The following VWF variants were observed in gnomAD, a reference collection of about 807,000 sequenced individuals.
The protein encoded by VWF is Factor VIII related antigen.
VWF carries 176 observed loss-of-function variants against 308.6 expected under a neutral mutation model. The ratio of observed to expected loss-of-function variants is 0.57; its 90% CI spans 0.50 to 0.65. The LOEUF (loss-of-function observed/expected upper bound fraction) is 0.65. Among genes scored for constraint, VWF ranks in the 30% least tolerant of loss-of-function variants. The pLI is 0.00. For synonymous variants in VWF, 1,385 were observed against 1,443.4 expected, an observed-to-expected ratio of 0.96 and a Z score of 0.92; for missense variants, 3,146 against 3,648.2, an observed-to-expected ratio of 0.86 and a Z score of 3.55.
chr12:5,999,823 A>G (rs1943851081), intron 34 of VWF, among the ~76,000 whole-genome samples: 1 of 152,204 alleles, frequency 6.6e-6, no homozygotes. Context: ...CAAAGACAAG[A>G]ATAAATAAAA....
intron 47 of VWF, among the ~76,000 whole-genome samples, chr12:5,960,124 CTAGATTAA>C (rs1565809564): frequency 6.7e-6 from 1 of 148,796 alleles, no homozygotes; most frequent in South Asian, 2.1e-4. Context: ...AAATCTCTAG[CTAGATTAA>C]TCAAGAAAAT....
intron 44 of VWF, among the ~76,000 whole-genome samples, chr12:5,969,645 C>T (rs1943447405): frequency 1.3e-5 from 2 of 152,364 alleles, no homozygotes; most frequent in South Asian, 4.1e-4. Context: ...AGGGGACTCA[C>T]CCTCCCTTCC....
Position 6,009,870 on chromosome 12 carries a change from C to A in VWF, c.5842+1747G>T, listed in dbSNP as rs1197137275. 5.3e-5 allele frequency among the ~76,000 whole-genome samples: 8 copies of A among 152,148 alleles called. No homozygotes were observed. The East Asian group carries it at 1.5e-3, about 29-fold the overall frequency. Reference sequence around the variant, plus strand: ...AGGATGTTAAGCTAAGTGAAATGAGCCAGTCACAGAAGGATAACTACTGCA... The same window carrying A: ...AGGATGTTAAGCTAAGTGAAATGAGACAGTCACAGAAGGATAACTACTGCA... On this transcript the variant is annotated intron_variant, in intron 34 of 51. Transcript: ENST00000261405.
intron 35 of VWF, 132 bp from the exon 36 acceptor site, chr12:5,994,739 C>T (rs71579336): frequency 1.1e-4 from 89 of 796,172 alleles, no homozygotes; most frequent in Non-Finnish European, 3.7e-5. Context: ...TGATATTTGT[C>T]GGCAGCTCTT....
chr12:6,008,001 C>T (rs1943949008), intron 34 of VWF, among the ~76,000 whole-genome samples: 1 of 152,070 alleles, frequency 6.6e-6, no homozygotes, highest in Non-Finnish European at 1.5e-5. Flanking sequence ...GATGAATAAA[C>T]AGAAAATCTG....
At chr12:5,977,934 G>C (rs1943550608) in intron 42 of VWF, among the ~76,000 whole-genome samples, 1 of 148,256 alleles carries the variant, frequency 6.7e-6, no homozygotes, top group South Asian at 2.1e-4. Context: ...GGTGGAGGAA[G>C]GAATAAGGTA....
At position 6,019,749 on chromosome 12, in the gene VWF, G is replaced by A. The variant is rs1472229472; in HGVS notation, c.3675-6C>T. On this transcript the variant is annotated splice_region_variant and splice_polypyrimidine_tract_variant and intron_variant, in intron 27 of 51. Coordinates refer to ENST00000261405, the MANE Select transcript of VWF (RefSeq NM_000552.5). The surrounding 1 kb of genome is among the most constrained non-coding windows in gnomAD (Gnocchi z 5.8). ...GGTTGACAACATCACAGTGGCTGCA[G>A]AAAAGAGCGAAGAAATTAAAATGGT... 26 of 1,608,426 alleles carry A rather than the reference G, an allele frequency of 1.6e-5. No individual in the cohort carries two copies. The highest frequency in any genetic ancestry group is 2.2e-5 in the Non-Finnish European group (26 of 1,177,638).
At chr12:5,990,372 T>C (rs216890) in intron 38 of VWF, among the ~76,000 whole-genome samples, 79,750 of 152,040 alleles carry the variant, frequency 0.52, 21,235 homozygotes, top group East Asian at 0.75. Flanking sequence ...TATGACCCTA[T>C]AGAGCTTTGG....
At position 6,019,169 on chromosome 12, in the gene VWF, C is replaced by A. The variant is rs2136412846; in HGVS notation, c.4249G>T (p.Gly1417Trp). 1 of 1,613,964 alleles carries A rather than the reference C, an allele frequency of 6.2e-7. No homozygotes were observed. The highest frequency in any genetic ancestry group is 8.5e-7 in the Non-Finnish European group (1 of 1,179,866). The change falls in exon 28 of 52, where the codon GGG (glycine) becomes TGG (tryptophan). Residue 1417 changes from glycine (G) to tryptophan (W), a missense_variant. Coordinates refer to ENST00000261405, the MANE Select transcript of VWF (RefSeq NM_000552.5). This position sits in a 1 kb window ranked among gnomAD's most constrained non-coding sequence, Gnocchi z 5.8. ...KKVIVIPVGIGPHANLKQIRL... is the reference protein window; with the variant it reads ...KKVIVIPVGIWPHANLKQIRL... ...ATCTGCTTGAGGTTGGCATGGGGCC[C>A]AATGCCCACCGGGATCACAATGACC... is the stretch of plus-strand genomic sequence containing the variant.
At chr12:5,998,713 A>ATTTATT (rs904754225) in intron 34 of VWF, among the ~76,000 whole-genome samples, 17 of 151,820 alleles carry the variant, frequency 1.1e-4, no homozygotes, top group South Asian at 4.1e-4. Flanking sequence ...CCCAAATTTT[A>ATTTATT]TTTATTTTTA....
At chr12:5,968,229 C>T (rs992092391) in intron 45 of VWF, 62 bp from the exon 46 acceptor site, 5 of 1,603,732 alleles carry the variant, frequency 3.1e-6, no homozygotes, top group South Asian at 1.1e-5. Flanking sequence ...GACCGGCGAG[C>T]AGGCTGCTCT....
At chr12:6,109,744 G>A (rs919656375) in intron 5 of VWF, among the ~76,000 whole-genome samples, 2 of 151,992 alleles carry the variant, frequency 1.3e-5, no homozygotes, top group African/African-American at 2.4e-5. Context: ...TCTCCCTCCC[G>A]GGTTCACGCC....
intron 37 of VWF, among the ~76,000 whole-genome samples, chr12:5,993,418 T>C (rs1242843452): frequency 2.0e-5 from 3 of 152,130 alleles, no homozygotes; most frequent in African/African-American, 7.2e-5. Context: ...AAAATCCTGC[T>C]CAGGCATGGA....
At chr12:6,055,207 G>T (rs530616266) in intron 15 of VWF, among the ~76,000 whole-genome samples, 21 of 152,276 alleles carry the variant, frequency 1.4e-4, no homozygotes, top group African/African-American at 4.3e-4. Flanking sequence ...ATTTCAGTGG[G>T]CCCTTAGCAT....
chr12:5,983,641 TG>T (rs1464766880), intron 40 of VWF, among the ~76,000 whole-genome samples: 1 of 151,848 alleles, frequency 6.6e-6, no homozygotes, highest in Non-Finnish European at 1.5e-5. Flanking sequence ...ATAGAATAGA[TG>T]ATAGATACAT....
chr12:6,002,412 T>C (rs1430513756), intron 34 of VWF, among the ~76,000 whole-genome samples: 1 of 151,814 alleles, frequency 6.6e-6, no homozygotes, highest in Non-Finnish European at 1.5e-5. Context: ...TAAAAAGAAT[T>C]TTTGATATTA....
At chr12:6,031,181 C>T (rs527937740) in intron 21 of VWF, among the ~76,000 whole-genome samples, 27 of 152,302 alleles carry the variant, frequency 1.8e-4, no homozygotes, top group African/African-American at 5.5e-4. Flanking sequence ...GTTCTTCCCA[C>T]GTTTGTGCAG....
rs761575638 is a variant in VWF, at chr12:6,095,604, G to A, written c.533-20C>T. ...AGGTCCCTGTGGAGGAAAGTTTCAGGAAAGTAATGCTTCAGTTATGCCTGT... is the reference window on the plus strand; with the variant it reads ...AGGTCCCTGTGGAGGAAAGTTTCAGAAAAGTAATGCTTCAGTTATGCCTGT... On this transcript the variant is annotated intron_variant, in intron 5 of 51. Transcript: ENST00000261405. 1 of 1,614,102 alleles carries A rather than the reference G, an allele frequency of 6.2e-7. No homozygotes were observed. Among genetic ancestry groups the A allele is most frequent in the Non-Finnish European group, 8.5e-7 (1 of 1,179,958 alleles).
At chr12:6,048,246 C>A (rs778827256) in intron 16 of VWF, among the ~76,000 whole-genome samples, 3 of 152,244 alleles carry the variant, frequency 2.0e-5, no homozygotes, top group Non-Finnish European at 4.4e-5. Context: ...CGGCTCACTG[C>A]AACCTCCTAC....
Sources: allele counts gnomAD v4.1 joint callset (sites outside exome capture counted in the v4.1 genomes callset), GRCh38; gene constraint gnomAD v4.1.1; non-coding constraint Gnocchi (gnomAD v3.1); transcripts MANE v1.5; gene names NCBI Gene and HGNC (gene_info 2026-07-23, HGNC 2026-07-21).